The following CELF2 variants were observed in gnomAD, a reference collection of about 807,000 sequenced individuals.
CELF2 encodes CUG triplet repeat RNA-binding protein 2.
CELF2 carries 8 observed loss-of-function variants against 62.6 expected under a neutral mutation model. The ratio of observed to expected loss-of-function variants is 0.13; its 90% CI spans 0.07 to 0.23. The LOEUF is 0.23. Among genes scored for constraint, CELF2 ranks in the 10% least tolerant of loss-of-function variants. CELF2 has a pLI of 1.00. For synonymous variants in CELF2, 258 were observed against 250.0 expected (o/e 1.03, Z -0.30); for missense variants, 333 against 671.0 (o/e 0.50, Z 5.56).
At chr10:11,195,443 C>G (rs1347994137) in intron 2 of CELF2, among the ~76,000 whole-genome samples, 1 of 152,214 alleles carries the variant, frequency 6.6e-6, no homozygotes, top group Non-Finnish European at 1.5e-5. Context: ...TTTCTTTCAT[C>G]CCTTGCTAGT....
At position 11,306,943 on chromosome 10, in the gene CELF2, T is replaced by C. The variant is rs1324079662; in HGVS notation, c.977-7196T>C. On this transcript the variant is annotated intron_variant, in intron 9 of 12. Coordinates refer to ENST00000633077, the MANE Select transcript of CELF2 (RefSeq NM_001326342.2). This position sits in a 1 kb window ranked among gnomAD's most constrained non-coding sequence, Gnocchi z 4.4. Reference sequence around the variant, plus strand: ...GGGCCCAGGGAGTTTCTAGGCCGCCTCCACCTCTCCTATGGCCCCCTGAGC... The same window carrying C: ...GGGCCCAGGGAGTTTCTAGGCCGCCCCCACCTCTCCTATGGCCCCCTGAGC... Among the ~76,000 whole-genome samples the C allele has an allele frequency of 6.6e-6, 1 of 152,182 alleles. No individual in the cohort carries two copies. Among genetic ancestry groups the C allele is most frequent in the Non-Finnish European group, 1.5e-5 (1 of 68,016 alleles).
At chr10:10,939,478 G>T (rs1421454816) in intron 2 of CELF2, among the ~76,000 whole-genome samples, 1 of 151,876 alleles carries the variant, frequency 6.6e-6, no homozygotes, top group Non-Finnish European at 1.5e-5. Context: ...TAGAGACAGG[G>T]TTTCACCATG....
Position 11,314,112 on chromosome 10 carries a change from C to A in CELF2, c.977-27C>A. On this transcript the variant is annotated intron_variant, in intron 9 of 12. Transcript: ENST00000633077. This position sits in a 1 kb window ranked among gnomAD's most constrained non-coding sequence, Gnocchi z 5.3. ...TCTCACTCACCTCGTGTCTTCTCTCCCCTTGTCTCTGTTTTCCTTTTTTCA... is the reference window on the plus strand; with the variant it reads ...TCTCACTCACCTCGTGTCTTCTCTCACCTTGTCTCTGTTTTCCTTTTTTCA... 7 of 1,545,506 alleles carry A rather than the reference C, an allele frequency of 4.5e-6. No homozygotes were observed. Among genetic ancestry groups the A allele is most frequent in the Non-Finnish European group, 6.1e-6 (7 of 1,150,654 alleles).
chr10:11,156,230 T>A lies in CELF2; in HGVS notation c.75-9256T>A, dbSNP rs1244966805. ...CAGTAACTGACTAGTAATAGGTGTGTTGACTCTCGGATTTAATAGGACGGC... is the reference window on the plus strand; with the variant it reads ...CAGTAACTGACTAGTAATAGGTGTGATGACTCTCGGATTTAATAGGACGGC... On this transcript the variant is annotated intron_variant, in intron 1 of 12. Transcript: ENST00000633077. The surrounding 1 kb of genome is among the most constrained non-coding windows in gnomAD (Gnocchi z 4.3). Among the ~76,000 whole-genome samples the A allele has an allele frequency of 6.6e-6, 1 of 152,202 alleles. No homozygotes were observed. The highest frequency in any genetic ancestry group is 2.4e-5 in the African/African-American group (1 of 41,448).
chr10:11,202,980 A>G, intron 2 of CELF2, among the ~76,000 whole-genome samples: 1 of 146,268 alleles, frequency 6.8e-6, no homozygotes, highest in Admixed American at 6.9e-5. Flanking sequence ...TGTAATCCAA[A>G]CAGGCATTGG....
chr10:10,653,634 A>G, the CELF2 span, among the ~76,000 whole-genome samples: 2 of 140,396 alleles, frequency 1.4e-5, no homozygotes, highest in Non-Finnish European at 3.1e-5. Flanking sequence ...ACATAACGAA[A>G]TGAAGGCAGA....
the CELF2 span, among the ~76,000 whole-genome samples, chr10:10,545,951 A>G: frequency 6.6e-6 from 1 of 152,180 alleles, no homozygotes; most frequent in African/African-American, 2.4e-5. Context: ...GCTCCTCCTC[A>G]GAGGTGTTTA....
At chr10:10,541,013 G>A in the CELF2 span, among the ~76,000 whole-genome samples, 9 of 152,106 alleles carry the variant, frequency 5.9e-5, no homozygotes, top group African/African-American at 2.2e-4. Context: ...GCGACAAGGT[G>A]GGTGGATCAT....
chr10:10,472,151 G>A, the CELF2 span, among the ~76,000 whole-genome samples: 1 of 151,626 alleles, frequency 6.6e-6, no homozygotes, highest in Non-Finnish European at 1.5e-5. Context: ...CCAAATTTGG[G>A]GGAAATTCTG....
chr10:11,143,272 T>C (rs114450770), intron 1 of CELF2, among the ~76,000 whole-genome samples: 1,778 of 152,344 alleles, frequency 0.012, 27 homozygotes, highest in African/African-American at 0.04. Context: ...AGTTCTAATA[T>C]CCAGTTTAAT....
At chr10:10,895,902 G>C (rs757006267) in intron 1 of CELF2, among the ~76,000 whole-genome samples, 3 of 152,124 alleles carry the variant, frequency 2.0e-5, no homozygotes, top group Non-Finnish European at 4.4e-5. Flanking sequence ...GAGTTTCCAG[G>C]CCATGGCTTG....
chr10:10,576,141 A>G, the CELF2 span, among the ~76,000 whole-genome samples: 1 of 152,180 alleles, frequency 6.6e-6, no homozygotes, highest in Non-Finnish European at 1.5e-5. Flanking sequence ...TCGCATGGCC[A>G]GAACTGCAAG....
At chr10:11,194,893 C>G (rs909621970) in intron 2 of CELF2, among the ~76,000 whole-genome samples, 1 of 152,182 alleles carries the variant, frequency 6.6e-6, no homozygotes, top group Non-Finnish European at 1.5e-5. Flanking sequence ...AATCCCGATG[C>G]GTCTTTGTTG....
At chr10:10,561,420 A>G in the CELF2 span, among the ~76,000 whole-genome samples, 2 of 152,184 alleles carry the variant, frequency 1.3e-5, no homozygotes, top group East Asian at 3.8e-4. Flanking sequence ...CAACAAATAC[A>G]TGTTAAGTAC....
At chr10:10,709,153 G>A in the CELF2 span, among the ~76,000 whole-genome samples, 10 of 152,268 alleles carry the variant, frequency 6.6e-5, no homozygotes, top group South Asian at 2.1e-4. Context: ...GAAAGGAAGC[G>A]GCAAATGGAA....
chr10:10,549,243 G>A, the CELF2 span, among the ~76,000 whole-genome samples: 1 of 152,116 alleles, frequency 6.6e-6, no homozygotes, highest in African/African-American at 2.4e-5. Context: ...TCTGGAGGCA[G>A]GAAGTCTGAG....
chr10:11,264,789 A>G (rs2765988), intron 5 of CELF2, among the ~76,000 whole-genome samples: 6,801 of 152,270 alleles, frequency 0.045, 266 homozygotes, highest in African/African-American at 0.11. Flanking sequence ...AGCTACAGTC[A>G]GTCTTAGTAC....
Position 10,936,950 on chromosome 10 carries a change from A to G in CELF2, c.89+16951A>G, listed in dbSNP as rs1286391684. Among the ~76,000 whole-genome samples, 4 of 152,176 alleles carry G rather than the reference A, an allele frequency of 2.6e-5. No homozygotes were observed. Among genetic ancestry groups the G allele is most frequent in the Admixed American group, 6.5e-5 (1 of 15,290 alleles). Reference sequence around the variant, plus strand: ...ACCATCCTTTGAGGAGCAAACGACTACAGAGCCACCAGTCCCATCTTTGAA... The same window carrying G: ...ACCATCCTTTGAGGAGCAAACGACTGCAGAGCCACCAGTCCCATCTTTGAA... On this transcript the variant is annotated intron_variant, in intron 2 of 13. Transcript: ENST00000636488. The surrounding 1 kb of genome is among the most constrained non-coding windows in gnomAD (Gnocchi z 4.0).
At chr10:10,758,058 T>C in the CELF2 span, among the ~76,000 whole-genome samples, 85,765 of 152,056 alleles carry the variant, frequency 0.56, 24,906 homozygotes, top group African/African-American at 0.7. Flanking sequence ...ATCAGCAATC[T>C]GCAGATTTTC....
Sources: gnomAD v4.1 joint callset for allele counts (sites outside exome capture counted in the v4.1 genomes callset) on GRCh38, gnomAD v4.1.1 for gene constraint, Gnocchi (gnomAD v3.1) non-coding constraint, MANE v1.5 for transcripts, NCBI Gene and HGNC (gene_info 2026-07-23, HGNC 2026-07-21) for gene names.